Variants in CPNE8 observed in about 807,000 individuals in gnomAD.
CPNE8 encodes the protein copine-8.
In CPNE8, 45 loss-of-function variants were observed where a neutral mutation model predicts 81.5. That is an observed-to-expected ratio of 0.55 (90% confidence interval 0.44 to 0.71). The LOEUF is 0.71. Ranked by LOEUF, CPNE8 falls within the 30% of genes least tolerant of loss-of-function variation. CPNE8 has a pLI of 0.00. For synonymous variants in CPNE8, 252 were observed against 226.3 expected (o/e 1.11, Z -1.02); for missense variants, 594 against 672.1 (o/e 0.88, Z 1.28).
chr12:38,893,351 C>T (rs1944340467), intron 1 of CPNE8, among the ~76,000 whole-genome samples: 1 of 152,170 alleles, frequency 6.6e-6, no homozygotes, highest in Admixed American at 6.5e-5. Flanking sequence ...ATGAAGCTAA[C>T]CAAAGCCCAC....
chr12:38,888,068 G>C (rs1944260798), intron 1 of CPNE8, among the ~76,000 whole-genome samples: 1 of 152,034 alleles, frequency 6.6e-6, no homozygotes, highest in African/African-American at 2.4e-5. Context: ...ACTGTGATGT[G>C]CCTACAGATC....
At chr12:38,905,211 T>C (rs1324024004) in intron 1 of CPNE8, among the ~76,000 whole-genome samples, 1 of 152,138 alleles carries the variant, frequency 6.6e-6, no homozygotes, top group East Asian at 1.9e-4. Flanking sequence ...TTACAGCGTT[T>C]CCCAGAAAGA....
chr12:38,766,051 G>A (rs1445196870), intron 8 of CPNE8, among the ~76,000 whole-genome samples: 1 of 151,928 alleles, frequency 6.6e-6, no homozygotes, highest in Non-Finnish European at 1.5e-5. Flanking sequence ...GTAGAGACAG[G>A]GTTTCACCAT....
chr12:38,792,655 A>T (rs1307828715), intron 6 of CPNE8, among the ~76,000 whole-genome samples: 1 of 151,814 alleles, frequency 6.6e-6, no homozygotes, highest in East Asian at 1.9e-4. Context: ...CAAACATTTA[A>T]AACAGAATTA....
chr12:38,797,921 A>C (rs10783391), intron 6 of CPNE8, among the ~76,000 whole-genome samples: 2 of 151,948 alleles, frequency 1.3e-5, no homozygotes, highest in African/African-American at 2.4e-5. Flanking sequence ...TCAGGAGCTG[A>C]TGTGATCAAC....
intron 6 of CPNE8, among the ~76,000 whole-genome samples, chr12:38,796,017 T>A (rs1186102027): frequency 6.6e-6 from 1 of 152,130 alleles, no homozygotes; most frequent in African/African-American, 2.4e-5. Flanking sequence ...TCCCAGCACT[T>A]TGAGAGGCCG....
chr12:38,688,023 G>A (rs929939104), intron 15 of CPNE8, among the ~76,000 whole-genome samples: 3 of 152,088 alleles, frequency 2.0e-5, no homozygotes, highest in African/African-American at 7.2e-5. Context: ...CCTTGATAAG[G>A]TATGAAGCTA....
intron 8 of CPNE8, 46 bp from the exon 9 acceptor site, chr12:38,762,262 A>G (rs750355784): frequency 8.7e-7 from 1 of 1,143,522 alleles, no homozygotes; most frequent in Non-Finnish European, 1.3e-6. Context: ...TGACTATTTT[A>G]ATTGATCTAT....
chr12:38,771,196 T>G (rs758767575), intron 7 of CPNE8, among the ~76,000 whole-genome samples: 4 of 151,940 alleles, frequency 2.6e-5, no homozygotes, highest in Non-Finnish European at 4.4e-5. Context: ...TAGCGGCTCA[T>G]GACTGTAACC....
intron 13 of CPNE8, among the ~76,000 whole-genome samples, chr12:38,706,018 T>C (rs1439511405): frequency 6.6e-6 from 1 of 152,102 alleles, no homozygotes; most frequent in Non-Finnish European, 1.5e-5. Context: ...AAAGAGAAGA[T>C]ACTATCATCC....
intron 19 of CPNE8, among the ~76,000 whole-genome samples, chr12:38,669,702 GCA>G (rs919116078): frequency 6.6e-6 from 1 of 152,170 alleles, no homozygotes; most frequent in Non-Finnish European, 1.5e-5. Context: ...GACAGCTTGA[GCA>G]CAGAGGGAGG....
intron 1 of CPNE8, among the ~76,000 whole-genome samples, chr12:38,885,872 T>TTC (rs372461869): frequency 6.6e-6 from 1 of 151,508 alleles, no homozygotes; most frequent in South Asian, 2.1e-4. Flanking sequence ...TACTTCCCCC[T>TTC]TCTCTCTCTC....
At chr12:38,755,429 A>G (rs988740960) in intron 10 of CPNE8, among the ~76,000 whole-genome samples, 4 of 152,150 alleles carry the variant, frequency 2.6e-5, no homozygotes, top group Admixed American at 6.5e-5. Context: ...TGCTCCCTGA[A>G]TTTTAATTTA....
At chr12:38,793,080 TA>T (rs150238746) in intron 6 of CPNE8, among the ~76,000 whole-genome samples, 12,095 of 151,620 alleles carry the variant, frequency 0.08, 616 homozygotes, top group East Asian at 0.28. Flanking sequence ...TACTTCAATA[TA>T]AAAAAGGTGG....
At chr12:38,904,470 G>GT (rs11343890) in intron 1 of CPNE8, among the ~76,000 whole-genome samples, 4,353 of 120,272 alleles carry the variant, frequency 0.036, 116 homozygotes, top group African/African-American at 0.09. Context: ...GTTTTTTTTT[G>GT]TTTTTTTTTT....
At chr12:38,798,107 C>T (rs1302402171) in intron 6 of CPNE8, among the ~76,000 whole-genome samples, 2 of 151,522 alleles carry the variant, frequency 1.3e-5, no homozygotes, top group African/African-American at 2.4e-5. Context: ...AGAATGGAAC[C>T]AAGTTGGAAA....
chr12:38,668,094 C>T (rs111747997), intron 19 of CPNE8, among the ~76,000 whole-genome samples: 12 of 152,248 alleles, frequency 7.9e-5, no homozygotes, highest in African/African-American at 1.2e-4. Flanking sequence ...CCACTGTGCC[C>T]GGTTGGATTC....
chr12:38,900,718 T>A (rs553572129), intron 1 of CPNE8, among the ~76,000 whole-genome samples: 4 of 152,254 alleles, frequency 2.6e-5, no homozygotes, highest in African/African-American at 9.6e-5. Flanking sequence ...TTATAAGTAT[T>A]TTTTAGCCGT....
chr12:38,824,623 G>A (rs1943160735), intron 6 of CPNE8, among the ~76,000 whole-genome samples: 1 of 151,742 alleles, frequency 6.6e-6, no homozygotes, highest in South Asian at 2.1e-4. Context: ...ATATAAATGG[G>A]AAACTAATTG....
Sources: allele counts gnomAD v4.1 joint callset (sites outside exome capture counted in the v4.1 genomes callset), GRCh38; gene constraint gnomAD v4.1.1; transcripts MANE v1.5; gene names NCBI Gene and HGNC (gene_info 2026-07-23, HGNC 2026-07-21).